PIP5K1A: variants seen among roughly 807,000 people sequenced by gnomAD.
PIP5K1A encodes phosphatidylinositol 4-phosphate 5-kinase type-1 alpha.
PIP5K1A carries 46 observed loss-of-function variants against 72.9 expected under a neutral mutation model. The observed-to-expected ratio is 0.63, with a 90% CI of 0.50 to 0.81. PIP5K1A has a LOEUF of 0.81. Ranked by LOEUF, PIP5K1A falls within the 30% of genes least tolerant of loss-of-function variation. The pLI, the probability that PIP5K1A is intolerant of heterozygous loss-of-function variation, is 0.00. For missense variants in PIP5K1A, 458 were observed against 706.1 expected (o/e 0.65, Z 3.98); for synonymous variants, 228 against 255.1 (o/e 0.89, Z 1.01).
chr1:151,219,618 C>T (rs982543278), intron 1 of PIP5K1A, among the ~76,000 whole-genome samples: 12 of 151,924 alleles, frequency 7.9e-5, no homozygotes, highest in South Asian at 2.1e-4. Context: ...CTCTTGAACC[C>T]GGGAGGTGGA....
Position 151,199,246 on chromosome 1 carries a change from G to T in PIP5K1A, c.85+165G>T. 4 of 1,344,010 alleles carry T rather than the reference G, an allele frequency of 3.0e-6. No homozygotes were observed. The South Asian group carries it at 5.5e-5, about 19-fold the overall frequency. 83.3% of individuals were successfully genotyped at this position (1,344,010 alleles called of 1,614,324 possible). A position where few individuals can be genotyped will look rare whatever the true frequency, so the allele number is the denominator to read the frequency against. ...ATTTATGAGCGGGCAGGAGTTTGAG[G>T]AAAGGATAAGTTTGATTAAGAAGTT... On this transcript the variant is annotated intron_variant, in intron 1 of 15. Coordinates refer to ENST00000368888, the MANE Select transcript of PIP5K1A (RefSeq NM_001135638.2).
chr1:151,202,541 T>C (rs1398242218), intron 1 of PIP5K1A, among the ~76,000 whole-genome samples: 5 of 152,172 alleles, frequency 3.3e-5, no homozygotes, highest in Non-Finnish European at 7.3e-5. Flanking sequence ...GGGGTGATCT[T>C]GGCTCATTGC....
At chr1:151,199,565 G>A (rs1214055347) in intron 1 of PIP5K1A, among the ~76,000 whole-genome samples, 1 of 151,278 alleles carries the variant, frequency 6.6e-6, no homozygotes, top group African/African-American at 2.4e-5. Flanking sequence ...GGTGAGCCGA[G>A]ATTGGGCCAC....
At chr1:151,196,251 C>T (rs963665874), upstream of PIP5K1A, among the ~76,000 whole-genome samples, 1 of 152,024 alleles carries the variant, frequency 6.6e-6, no homozygotes, top group Non-Finnish European at 1.5e-5. Context: ...TATGCCTTTT[C>T]GGAAAACAAG....
At chr1:151,235,262 T>C (rs1322088113) in intron 8 of PIP5K1A, among the ~76,000 whole-genome samples, 1 of 152,136 alleles carries the variant, frequency 6.6e-6, no homozygotes, top group Non-Finnish European at 1.5e-5. Context: ...TTTGTATTTT[T>C]AGTAGTGACA....
At chr1:151,200,248 G>C (rs1269903373) in intron 1 of PIP5K1A, among the ~76,000 whole-genome samples, 2 of 151,952 alleles carry the variant, frequency 1.3e-5, no homozygotes, top group African/African-American at 4.8e-5. Context: ...TGGACTGGAA[G>C]AATGCTTACG....
rs1353039864 is a variant in PIP5K1A at position 151,239,112 on chromosome 1, T to C, written c.1230-18T>C. ...ATTTAAAAATGACGTGAGTAGGTGA[T>C]GTACATTTTTCTTGCAGGTTTGTTA... On this transcript the variant is annotated intron_variant, in intron 10 of 15. Coordinates refer to ENST00000368888, the MANE Select transcript of PIP5K1A (RefSeq NM_001135638.2). 3 of 1,592,580 alleles carry C rather than the reference T, an allele frequency of 1.9e-6. No homozygotes were observed. The highest frequency in any genetic ancestry group is 2.7e-5 in the African/African-American group (2 of 74,422).
rs1254678880 is a variant in PIP5K1A at position 151,224,338 on chromosome 1, T to G, written c.121-33T>G. ...CCTTAATTCTGGGATAGAAGGAACC[T>G]GTTTATGACATTTTTATTTTTTCTC... is the stretch of plus-strand genomic sequence containing the variant. On this transcript the variant is annotated intron_variant, in intron 2 of 15. Transcript: ENST00000368888. The G allele has an allele frequency of 1.9e-6, 3 of 1,609,202 alleles. No individual in the cohort carries two copies. The African/African-American group carries it at 4.0e-5, about 22-fold the overall frequency.
At chr1:151,238,072 C>T in intron 9 of PIP5K1A, 110 bp from the exon 10 acceptor site, 2 of 674,398 alleles carry the variant, frequency 3.0e-6, no homozygotes, top group Non-Finnish European at 5.4e-6. Context: ...ATTATCTGAC[C>T]TTCTGGTTTA....
rs587622520 is a variant in PIP5K1A, at chr1:151,201,588, T to C, written c.85+2507T>C. On this transcript the variant is annotated intron_variant, in intron 1 of 15. Coordinates refer to ENST00000368888, the MANE Select transcript of PIP5K1A (RefSeq NM_001135638.2). ...CCAGACTAGTCTTGAACTCCTGACC[T>C]CAAGTAATCCGCCCACTTCGGCCTC... Among the ~76,000 whole-genome samples, 3 of 152,210 alleles carry C rather than the reference T, an allele frequency of 2.0e-5. No homozygotes were observed. In the East Asian group the frequency reaches 5.8e-4, roughly 30 times the overall value.
At chr1:151,236,810 A>ATTT in intron 9 of PIP5K1A, 47 bp downstream of exon 9, 1 of 903,702 alleles carries the variant, frequency 1.1e-6, no homozygotes, top group East Asian at 2.8e-5. Context: ...GGCCCACAGC[A>ATTT]CTTTTCTTTT....
At chr1:151,247,635 A>G (rs1421080077) in intron 15 of PIP5K1A, among the ~76,000 whole-genome samples, 1 of 152,184 alleles carries the variant, frequency 6.6e-6, no homozygotes, top group Non-Finnish European at 1.5e-5. Context: ...CGTGTTAGCC[A>G]GGATGGCCTC....
At chr1:151,224,774 C>A (rs964705875) in intron 3 of PIP5K1A, among the ~76,000 whole-genome samples, 2 of 152,182 alleles carry the variant, frequency 1.3e-5, no homozygotes, top group African/African-American at 4.8e-5. Flanking sequence ...CATGCAGAAG[C>A]TGTTAGTTTC....
intron 1 of PIP5K1A, among the ~76,000 whole-genome samples, chr1:151,210,672 G>A (rs977440809): frequency 1.3e-5 from 2 of 152,008 alleles, no homozygotes; most frequent in Non-Finnish European, 2.9e-5. Context: ...GCAGCCTCCC[G>A]TCTCCTGGGT....
At chr1:151,225,394 C>T (rs891388497) in intron 3 of PIP5K1A, among the ~76,000 whole-genome samples, 2 of 151,812 alleles carry the variant, frequency 1.3e-5, no homozygotes, top group Admixed American at 1.3e-4. Flanking sequence ...TGAAGAGTAA[C>T]TTCATGTCTG....
chr1:151,236,732 C>A lies in PIP5K1A; in HGVS notation c.1114C>A (p.Arg372=). 5 of 1,613,352 alleles carry A rather than the reference C, an allele frequency of 3.1e-6. No homozygotes were observed. Among genetic ancestry groups the A allele is most frequent in the Non-Finnish European group, 4.2e-6 (5 of 1,179,808 alleles). The stretch of plus-strand genomic sequence containing the variant: ...CATGGAATCCATCCAGGGAGAGGCT[C>A]GACGGGGTGGTACCATGGAGACTGA... ...TAMESIQGEA[R]RGGTMETDDH... is the part of the protein sequence containing the mutation. Residue 372 remains arginine (R), a synonymous_variant, in exon 9 of 16, where the codon CGA becomes AGA. Coordinates refer to ENST00000368888, the MANE Select transcript of PIP5K1A (RefSeq NM_001135638.2).
intron 4 of PIP5K1A, among the ~76,000 whole-genome samples, 197 bp downstream of exon 4, chr1:151,227,597 G>T (rs1570913594): frequency 6.6e-6 from 1 of 152,134 alleles, no homozygotes; most frequent in South Asian, 2.1e-4. Context: ...ATGTTTAAAT[G>T]AGATTTTTTT....
At position 151,199,029 on chromosome 1, in the gene PIP5K1A, G is replaced by C. The variant is rs1193102129; in HGVS notation, c.33G>C (p.Ser11=). MASASSGPSS[S]VGFSSFDPAV... ...CGGCCTCCTCCGGGCCGTCGTCTTCGGTCGGTTTTTCATCCTTTGATCCCG... is the reference window on the plus strand; with the variant it reads ...CGGCCTCCTCCGGGCCGTCGTCTTCCGTCGGTTTTTCATCCTTTGATCCCG... The change falls in exon 1 of 16, where the codon TCG becomes TCC. Residue 11 remains serine, a synonymous_variant. Coordinates refer to ENST00000368888, the MANE Select transcript of PIP5K1A (RefSeq NM_001135638.2). 3.1e-6 allele frequency: 5 copies of C among 1,614,062 alleles called. No individual in the cohort carries two copies. The highest frequency in any genetic ancestry group is 4.5e-5 in the East Asian group (2 of 44,890).
chr1:151,230,867 C>CT (rs1310859521), intron 4 of PIP5K1A, among the ~76,000 whole-genome samples: 1 of 152,232 alleles, frequency 6.6e-6, no homozygotes, highest in Non-Finnish European at 1.5e-5. Flanking sequence ...TTGAGACACA[C>CT]TAGTCAGGCC....
Sources: allele counts gnomAD v4.1 joint callset (sites outside exome capture counted in the v4.1 genomes callset), GRCh38; gene constraint gnomAD v4.1.1; transcripts MANE v1.5; gene names NCBI Gene and HGNC (gene_info 2026-07-23, HGNC 2026-07-21).